The following LAMA3 variants were observed in gnomAD, a reference collection of about 807,000 sequenced individuals.
LAMA3 encodes laminin subunit alpha 3, also known as laminin subunit alpha-3.
In LAMA3, 281 loss-of-function variants were observed where a neutral mutation model predicts 402.0. The ratio of observed to expected loss-of-function variants is 0.70; its 90% CI spans 0.63 to 0.77. The LOEUF is 0.77. Among genes scored for constraint, LAMA3 ranks in the 30% least tolerant of loss-of-function variants. The probability of loss-of-function intolerance (pLI) is 0.00; values close to 1 mark genes in which losing one functional copy is unlikely to be tolerated. For synonymous variants in LAMA3, 1,431 were observed against 1,558.4 expected (o/e 0.92, Z 1.93); for missense variants, 3,840 against 4,215.5 (o/e 0.91, Z 2.47).
At chr18:23,885,517 A>T (rs1037278968) in intron 41 of LAMA3, among the ~76,000 whole-genome samples, 1 of 152,122 alleles carries the variant, frequency 6.6e-6, no homozygotes, top group African/African-American at 2.4e-5. Context: ...TGGAAACTGT[A>T]AAATTAATGA....
chr18:23,928,779 C>A lies in LAMA3; in HGVS notation c.8436+14C>A. ...CATCAGACATGGGTATGCAGTAGTG[C>A]ATTAATATCAAACAAGATTTAAACC... is the stretch of plus-strand genomic sequence containing the variant. On this transcript the variant is annotated intron_variant, in intron 64 of 74. Transcript: ENST00000313654. 1 of 1,608,762 alleles carries A rather than the reference C, an allele frequency of 6.2e-7. No individual in the cohort carries two copies. Among genetic ancestry groups the A allele is most frequent in the South Asian group, 1.1e-5 (1 of 90,976 alleles).
chr18:23,954,795 A>T lies in LAMA3; in HGVS notation c.*147A>T. 1 of 814,004 alleles carries T rather than the reference A, an allele frequency of 1.2e-6. No homozygotes were observed. Among genetic ancestry groups the T allele is most frequent in the Non-Finnish European group, 2.1e-6 (1 of 478,546 alleles). The allele number at this position is 814,004 out of a possible 1,614,324, so 50.4% of individuals were successfully genotyped here. On this transcript the variant is annotated 3_prime_UTR_variant, in exon 75 of 75. Transcript: ENST00000313654. ...ATCTAATTTTGAATTCTGACCATGGATACCCATCACTTTGGCATTCAGTGC... is the reference window on the plus strand; with the variant it reads ...ATCTAATTTTGAATTCTGACCATGGTTACCCATCACTTTGGCATTCAGTGC...
intron 12 of LAMA3, among the ~76,000 whole-genome samples, chr18:23,804,488 G>T (rs558386852): frequency 6.6e-6 from 1 of 152,198 alleles, no homozygotes; most frequent in Non-Finnish European, 1.5e-5. Context: ...TAAGTCTAGA[G>T]TAGTTGCTAC....
chr18:23,775,623 G>A (rs542965562), intron 9 of LAMA3, among the ~76,000 whole-genome samples, 169 bp from the exon 10 acceptor site: 75 of 152,316 alleles, frequency 4.9e-4, no homozygotes, highest in African/African-American at 1.7e-3. Context: ...CGAGCTTCGG[G>A]CAGTGAGAAC....
intron 25 of LAMA3, among the ~76,000 whole-genome samples, chr18:23,838,253 C>CT (rs1215850282): frequency 6.6e-6 from 1 of 152,188 alleles, no homozygotes; most frequent in Non-Finnish European, 1.5e-5. Flanking sequence ...AAATTAATGA[C>CT]TAAGTTTTTT....
chr18:23,734,331 C>T (rs2061438558), intron 2 of LAMA3, among the ~76,000 whole-genome samples: 1 of 152,224 alleles, frequency 6.6e-6, no homozygotes, highest in Non-Finnish European at 1.5e-5. Context: ...AGTTCCTTCC[C>T]TCTGCCTCAG....
At chr18:23,747,160 T>C (rs1189951814) in intron 2 of LAMA3, among the ~76,000 whole-genome samples, 1 of 152,074 alleles carries the variant, frequency 6.6e-6, no homozygotes, top group East Asian at 1.9e-4. Context: ...TAACACCGTG[T>C]TCAATGTCGT....
At chr18:23,864,645 A>G in intron 35 of LAMA3, 140 bp from the exon 36 acceptor site, 7 of 688,974 alleles carry the variant, frequency 1.0e-5, no homozygotes, top group South Asian at 6.1e-5. Context: ...CCTCAACCCC[A>G]CCTCCTAGAT....
intron 19 of LAMA3, among the ~76,000 whole-genome samples, chr18:23,820,990 T>C (rs909864247): frequency 1.3e-5 from 2 of 152,198 alleles, no homozygotes; most frequent in African/African-American, 4.8e-5. Context: ...ACTCCCCAAA[T>C]ACAGCTATTT....
intron 8 of LAMA3, among the ~76,000 whole-genome samples, chr18:23,767,585 T>TC (rs931562508): frequency 1.3e-5 from 2 of 148,326 alleles, no homozygotes; most frequent in African/African-American, 4.9e-5. Context: ...TTTCTTTTTT[T>TC]TTTTTTTTTT....
intron 32 of LAMA3, among the ~76,000 whole-genome samples, chr18:23,849,244 C>T (rs578239985): frequency 3.2e-4 from 48 of 152,316 alleles, no homozygotes; most frequent in African/African-American, 1.1e-3. Flanking sequence ...TAATTGTTAT[C>T]TGGTGCCTCC....
chr18:23,808,691 G>T (rs2063010692), intron 12 of LAMA3, among the ~76,000 whole-genome samples: 1 of 152,204 alleles, frequency 6.6e-6, no homozygotes, highest in African/African-American at 2.4e-5. Flanking sequence ...CTCCATCAGT[G>T]AGAGTTTCTT....
chr18:23,890,083 T>A lies in LAMA3; in HGVS notation c.5376T>A (p.Asn1792Lys). The A allele has an allele frequency of 1.9e-6, 3 of 1,614,012 alleles. No individual in the cohort carries two copies. Among genetic ancestry groups the A allele is most frequent in the Non-Finnish European group, 2.5e-6 (3 of 1,179,846 alleles). ...GSCQPCSCNS[N>K]GQLGSCHPLT... is the part of the protein sequence containing the mutation. ...GCCAACCATGCAGTTGTAACAGCAA[T>A]GGCCAGCTGGGCAGCTGTCATCCCC... Residue 1792 changes from asparagine to lysine, a missense_variant, in exon 42 of 75, where the codon AAT becomes AAA. By Grantham distance (94) the Asn-to-Lys change is moderately conservative (BLOSUM62 0). Around this residue, in one of 3 missense-constraint regions of LAMA3, gnomAD observed 2,109 missense variants for 2,376.0 expected, o/e 0.89. Transcript: ENST00000313654.
At chr18:23,891,050 C>G in intron 42 of LAMA3, among the ~76,000 whole-genome samples, 1 of 152,172 alleles carries the variant, frequency 6.6e-6, no homozygotes, top group East Asian at 1.9e-4. Flanking sequence ...GGAGAAAAGG[C>G]GTACACAATT....
intron 66 of LAMA3, among the ~76,000 whole-genome samples, chr18:23,933,487 G>A (rs1448507173): frequency 6.6e-6 from 1 of 152,180 alleles, no homozygotes; most frequent in Admixed American, 6.5e-5. Context: ...TCAAATCTGG[G>A]TAACTGGAAT....
At chr18:23,698,299 C>T (rs868487270) in intron 1 of LAMA3, among the ~76,000 whole-genome samples, 3 of 151,324 alleles carry the variant, frequency 2.0e-5, no homozygotes, top group South Asian at 2.1e-4. Flanking sequence ...CTCCGCCTCC[C>T]GGGTTCACGC....
At position 23,927,999 on chromosome 18, in the gene LAMA3, A is replaced by G. The variant is rs2082055503; in HGVS notation, c.8178-124A>G. ...TAGCATTATGGGAATCCCATGGGAA[A>G]GGATAAACATAAAACACCTACTCAT... On this transcript the variant is annotated intron_variant, in intron 62 of 74. Coordinates refer to ENST00000313654, the MANE Select transcript of LAMA3 (RefSeq NM_198129.4). 11 of 772,134 alleles carry G rather than the reference A, an allele frequency of 1.4e-5. 1 individual carries two copies. The highest frequency in any genetic ancestry group is 1.2e-5 in the Non-Finnish European group (5 of 420,516). 47.8% of individuals were successfully genotyped at this position (772,134 alleles called of 1,614,324 possible).
intron 8 of LAMA3, among the ~76,000 whole-genome samples, chr18:23,771,792 G>T (rs2062204457): frequency 6.6e-6 from 1 of 152,156 alleles, no homozygotes; most frequent in South Asian, 2.1e-4. Context: ...GGAGTGTAAA[G>T]GTGTTCACTG....
intron 1 of LAMA3, among the ~76,000 whole-genome samples, chr18:23,699,681 C>T (rs141123395): frequency 3.3e-5 from 5 of 152,136 alleles, no homozygotes; most frequent in African/African-American, 7.2e-5. Context: ...TGTAAACTTG[C>T]GTTTGCCTTG....
Sources: allele counts gnomAD v4.1 joint callset (sites outside exome capture counted in the v4.1 genomes callset), GRCh38; gene constraint gnomAD v4.1.1; regional missense constraint gnomAD v4.1.1; transcripts MANE v1.5; gene names NCBI Gene and HGNC (gene_info 2026-07-23, HGNC 2026-07-21).